SNX30: variants seen among roughly 807,000 people sequenced by gnomAD.
SNX30 encodes sorting nexin family member 30.
A neutral mutation model predicts 46.4 loss-of-function variants in SNX30; 24 were observed. The observed-to-expected ratio is 0.52, with a 90% CI of 0.37 to 0.73. The LOEUF is 0.73. Among genes scored for constraint, SNX30 ranks in the 30% least tolerant of loss-of-function variants. The pLI is 0.00. For synonymous variants in SNX30, 189 were observed against 211.5 expected, an observed-to-expected ratio of 0.89 and a Z score of 0.92; for missense variants, 533 against 555.7, an observed-to-expected ratio of 0.96 and a Z score of 0.41.
At chr9:112,817,034 A>G (rs572006465) in intron 2 of SNX30, among the ~76,000 whole-genome samples, 7 of 152,302 alleles carry the variant, frequency 4.6e-5, no homozygotes, top group African/African-American at 1.7e-4. Context: ...GCATTTTTGT[A>G]TTATTTCTAG....
At chr9:112,823,601 G>A (rs1231084503) in intron 3 of SNX30, among the ~76,000 whole-genome samples, 1 of 152,134 alleles carries the variant, frequency 6.6e-6, no homozygotes, top group Non-Finnish European at 1.5e-5. Context: ...GAAATTTAAT[G>A]TTTACCTCAG....
rs370030633 is a variant in SNX30 at position 112,868,814 on chromosome 9, C to T, written c.1285C>T (p.Leu429=). ...CATGGCGTGGGAGTCGATTATTCCA[C>T]TACTGCAGGAGAAACAAGAGGCCAA... ...CLMAWESIIP[L]LQEKQEAK Residue 429 remains leucine (L), a synonymous_variant, in exon 9 of 9, where the codon CTA becomes TTA. Coordinates refer to ENST00000374232, the MANE Select transcript of SNX30 (RefSeq NM_001012994.2). 7 of 1,614,020 alleles carry T rather than the reference C, an allele frequency of 4.3e-6. No homozygotes were observed. Among genetic ancestry groups the T allele is most frequent in the African/African-American group, 4.0e-5 (3 of 74,922 alleles).
intron 2 of SNX30, among the ~76,000 whole-genome samples, chr9:112,816,115 G>A (rs948251225): frequency 6.6e-6 from 1 of 152,116 alleles, no homozygotes; most frequent in Non-Finnish European, 1.5e-5. Flanking sequence ...TAAAGGGCTG[G>A]GATTACAGGC....
chr9:112,816,552 G>A (rs1204601900), intron 2 of SNX30, among the ~76,000 whole-genome samples: 1 of 152,152 alleles, frequency 6.6e-6, no homozygotes, highest in Non-Finnish European at 1.5e-5. Flanking sequence ...CAGTTAGTTG[G>A]GGGTCAGTCC....
intron 1 of SNX30, among the ~76,000 whole-genome samples, chr9:112,780,385 T>C (rs1276796668): frequency 6.6e-6 from 1 of 152,208 alleles, no homozygotes; most frequent in Non-Finnish European, 1.5e-5. Context: ...TTTTATTTTA[T>C]GTGTATTTTA....
intron 1 of SNX30, among the ~76,000 whole-genome samples, chr9:112,797,836 G>A (rs1202152170): frequency 3.4e-5 from 5 of 145,386 alleles, no homozygotes; most frequent in Admixed American, 1.4e-4. Context: ...TCAGCCCCCC[G>A]AGTAGGCGCA....
At chr9:112,858,592 C>CA (rs964916679) in intron 7 of SNX30, among the ~76,000 whole-genome samples, 47 of 152,244 alleles carry the variant, frequency 3.1e-4, no homozygotes, top group African/African-American at 1.1e-3. Flanking sequence ...AGACACTATC[C>CA]AAAAAATCAA....
chr9:112,827,940 C>T (rs1840602821), intron 3 of SNX30, among the ~76,000 whole-genome samples: 1 of 152,178 alleles, frequency 6.6e-6, no homozygotes, highest in African/African-American at 2.4e-5. Context: ...TCTAAAGAGG[C>T]TGCATCTGCA....
intron 2 of SNX30, among the ~76,000 whole-genome samples, chr9:112,812,947 G>T (rs1429565294): frequency 2.0e-5 from 3 of 152,146 alleles, no homozygotes; most frequent in Non-Finnish European, 4.4e-5. Context: ...AGGAATTTGA[G>T]ACCAGCCTGG....
intron 1 of SNX30, among the ~76,000 whole-genome samples, chr9:112,770,714 C>G (rs1839634964): frequency 1.3e-5 from 2 of 151,510 alleles, no homozygotes; most frequent in African/African-American, 4.8e-5. Context: ...GTAGCAGCCC[C>G]TGGCCGGGCG....
At chr9:112,770,764 G>A (rs746771254) in intron 1 of SNX30, among the ~76,000 whole-genome samples, 65 of 152,046 alleles carry the variant, frequency 4.3e-4, no homozygotes, top group Non-Finnish European at 7.6e-4. Flanking sequence ...TTGGGAGGCC[G>A]AGGCAGGCGG....
chr9:112,750,847 G>A lies in SNX30; in HGVS notation c.-155G>A, dbSNP rs1839259006. ...AGCGGAGCGTCTGAGCGCCGGCAGA[G>A]ACCAGCCGGCGGGTGGCGGCGGCCC... On this transcript the variant is annotated 5_prime_UTR_variant, in exon 1 of 9. Transcript: ENST00000374232. 5 of 577,118 alleles carry A rather than the reference G, an allele frequency of 8.7e-6. No homozygotes were observed. Among genetic ancestry groups the A allele is most frequent in the Non-Finnish European group, 1.1e-5 (5 of 450,640 alleles). The allele number at this position is 577,118 out of a possible 1,614,324, so 35.7% of individuals were successfully genotyped here. A position where few individuals can be genotyped will look rare whatever the true frequency, so the allele number is the denominator to read the frequency against.
intron 4 of SNX30, among the ~76,000 whole-genome samples, chr9:112,831,982 T>C (rs780992121): frequency 6.6e-6 from 1 of 152,240 alleles, no homozygotes; most frequent in East Asian, 1.9e-4. Flanking sequence ...CCAGATACTT[T>C]CTAGTTTTTC....
chr9:112,794,902 A>G (rs1223120604), intron 1 of SNX30, among the ~76,000 whole-genome samples: 2 of 152,240 alleles, frequency 1.3e-5, no homozygotes, highest in Non-Finnish European at 2.9e-5. Flanking sequence ...GGAGTAAGAA[A>G]TGCTCTTATA....
intron 3 of SNX30, among the ~76,000 whole-genome samples, chr9:112,827,814 A>G (rs1840600977): frequency 1.3e-5 from 2 of 152,244 alleles, no homozygotes; most frequent in South Asian, 2.1e-4. Flanking sequence ...TTGGTTTAAC[A>G]TTAGAAAATA....
Position 112,836,335 on chromosome 9 carries a change from A to C in SNX30, c.740A>C (p.Asp247Ala). The C allele has an allele frequency of 2.5e-6, 4 of 1,613,242 alleles. No individual in the cohort carries two copies. Among genetic ancestry groups the C allele is most frequent in the Non-Finnish European group, 3.4e-6 (4 of 1,179,188 alleles). The change falls in exon 5 of 9, where the codon GAC (aspartate) becomes GCC (alanine). Residue 247 changes from aspartate to alanine, a missense_variant. Asp to Ala is a moderately radical substitution (Grantham distance 126, BLOSUM62 -2). Coordinates refer to ENST00000374232, the MANE Select transcript of SNX30 (RefSeq NM_001012994.2). The part of the protein sequence containing the change: ...TRPLEFAAIG[D>A]YLDTFALKLG... ...CCGCTTGAGTTTGCTGCCATAGGTG[A>C]CTACTTAGATACATTTGCACTCAAA...
chr9:112,824,822 C>T (rs565835754), intron 3 of SNX30, among the ~76,000 whole-genome samples: 2 of 152,308 alleles, frequency 1.3e-5, no homozygotes, highest in African/African-American at 4.8e-5. Context: ...ATCCATATTA[C>T]ACATCACCAT....
intron 1 of SNX30, among the ~76,000 whole-genome samples, chr9:112,761,159 GT>G (rs1839429592): frequency 1.1e-5 from 1 of 91,914 alleles, no homozygotes; most frequent in Non-Finnish European, 2.4e-5. Context: ...GCGTGGTTTT[GT>G]TTGTTTGTTT....
At chr9:112,795,450 G>T (rs1233580650) in intron 1 of SNX30, among the ~76,000 whole-genome samples, 1 of 152,134 alleles carries the variant, frequency 6.6e-6, no homozygotes, top group African/African-American at 2.4e-5. Context: ...GCAAGGGATT[G>T]AATTTGGTCG....
Sources: allele counts gnomAD v4.1 joint callset (sites outside exome capture counted in the v4.1 genomes callset), GRCh38; gene constraint gnomAD v4.1.1; transcripts MANE v1.5; gene names NCBI Gene and HGNC (gene_info 2026-07-23, HGNC 2026-07-21).